The following CILK1 variants were observed in gnomAD, a reference collection of about 807,000 sequenced individuals.
The protein encoded by CILK1 is serine/threonine-protein kinase ICK.
A neutral mutation model predicts 79.2 loss-of-function variants in CILK1; 47 were observed. The ratio of observed to expected loss-of-function variants is 0.59; its 90% CI spans 0.47 to 0.76. The LOEUF (loss-of-function observed/expected upper bound fraction) is 0.76. Among genes scored for constraint, CILK1 ranks in the 30% least tolerant of loss-of-function variants. The pLI is 0.00. For synonymous variants in CILK1, 266 were observed against 275.9 expected (o/e 0.96, Z 0.36); for missense variants, 660 against 769.5 (o/e 0.86, Z 1.68).
intron 1 of CILK1, among the ~76,000 whole-genome samples, chr6:53,050,160 G>A (rs935660657): frequency 5.3e-5 from 8 of 152,054 alleles, no homozygotes; most frequent in African/African-American, 1.9e-4. Flanking sequence ...AAAGAAGCAG[G>A]CAAATATCAA....
chr6:53,031,356 C>T (rs557430960), intron 4 of CILK1, among the ~76,000 whole-genome samples: 42 of 152,318 alleles, frequency 2.8e-4, no homozygotes, highest in African/African-American at 9.9e-4. Context: ...AAAATCTCCT[C>T]TTTCCATGAT....
intron 5 of CILK1, among the ~76,000 whole-genome samples, chr6:53,030,576 G>T (rs949316271): frequency 5.9e-5 from 9 of 152,032 alleles, no homozygotes; most frequent in Non-Finnish European, 1.0e-4. Context: ...TCCACATCTT[G>T]TTTTGCCTTT....
intron 1 of CILK1, among the ~76,000 whole-genome samples, chr6:53,043,168 T>C (rs748325375): frequency 1.3e-5 from 2 of 151,666 alleles, no homozygotes; most frequent in Non-Finnish European, 2.9e-5. Context: ...ACACAAAAAT[T>C]AGCTGGGTGT....
At chr6:53,053,047 A>T (rs1657122036) in intron 1 of CILK1, among the ~76,000 whole-genome samples, 1 of 76,624 alleles carries the variant, frequency 1.3e-5, no homozygotes, top group African/African-American at 3.7e-5. Flanking sequence ...ACAAAGTAAA[A>T]GCCTGAAAAA....
At chr6:53,011,992 G>T (rs754254477) in intron 10 of CILK1, 45 bp downstream of exon 10, 6 of 1,613,578 alleles carry the variant, frequency 3.7e-6, no homozygotes, top group Non-Finnish European at 5.1e-6. Flanking sequence ...ATAATCTCAT[G>T]AATTCCAGAT....
chr6:53,005,355 A>G, intron 13 of CILK1, 52 bp from the exon 14 acceptor site: 1 of 1,593,530 alleles, frequency 6.3e-7, no homozygotes, highest in African/African-American at 1.3e-5. Context: ...AATGTAAGCA[A>G]AGTACAAATA....
chr6:53,041,049 T>G (rs1208957797), intron 2 of CILK1, 87 bp downstream of exon 2: 7 of 897,186 alleles, frequency 7.8e-6, no homozygotes, highest in Non-Finnish European at 1.3e-5. Flanking sequence ...CTAGGCATCC[T>G]ACCCACTCCC....
At chr6:53,041,471 G>T in intron 1 of CILK1, 63 bp from the exon 2 acceptor site, 5 of 486,038 alleles carry the variant, frequency 1.0e-5, no homozygotes, top group South Asian at 1.0e-4. Context: ...ACGTGTTTTT[G>T]TAAGTCTAAA....
Position 53,004,974 on chromosome 6 carries a change from A to G in CILK1, c.*175T>C, listed in dbSNP as rs1432667840. On this transcript the variant is annotated 3_prime_UTR_variant, in exon 14 of 14. Coordinates refer to ENST00000676107, the MANE Select transcript of CILK1 (RefSeq NM_014920.5). ...AAAAAAGCCTACTGCATTCAAATCA[A>G]TATTTTAAAAAAAAACTTTAAAAAA... is the stretch of plus-strand genomic sequence containing the variant. 1.2e-5 allele frequency: 8 copies of G among 655,510 alleles called. No homozygotes were observed. Among genetic ancestry groups the G allele is most frequent in the Non-Finnish European group, 2.0e-5 (8 of 395,952 alleles). 40.6% of individuals were successfully genotyped at this position (655,510 alleles called of 1,614,324 possible).
chr6:53,052,248 C>A (rs368197121), intron 1 of CILK1, among the ~76,000 whole-genome samples: 1 of 152,142 alleles, frequency 6.6e-6, no homozygotes, highest in East Asian at 1.9e-4. Flanking sequence ...CATTTTATAG[C>A]GGCAAAGTAT....
In CILK1 at chr6:53,048,260, C is replaced by T. The variant is rs143784889; in HGVS notation, c.-172-6852G>A. 5.3e-5 allele frequency among the ~76,000 whole-genome samples: 8 copies of T among 152,170 alleles called. No homozygotes were observed. In the East Asian group the frequency reaches 5.8e-4, roughly 11 times the overall value. On this transcript the variant is annotated intron_variant, in intron 1 of 13. Transcript: ENST00000676107. ...ACAAGAAGGGTAGATGAAGAAACACCGGATGCTGGAAGCAAAGGAGACTTG... is the reference window on the plus strand; with the variant it reads ...ACAAGAAGGGTAGATGAAGAAACACTGGATGCTGGAAGCAAAGGAGACTTG...
In CILK1 at chr6:53,057,077, G is replaced by T. The variant is rs147801979; in HGVS notation, c.-173+4519C>A. On this transcript the variant is annotated intron_variant, in intron 1 of 13. Coordinates refer to ENST00000676107, the MANE Select transcript of CILK1 (RefSeq NM_014920.5). Reference sequence around the variant, plus strand: ...CTTTCAAAGCAAAGGCAATGTCCAAGAGGGCAAAACCATTAATAACTATCT... The same window carrying T: ...CTTTCAAAGCAAAGGCAATGTCCAATAGGGCAAAACCATTAATAACTATCT... Among the ~76,000 whole-genome samples the T allele has an allele frequency of 3.6e-3, 548 of 152,302 alleles. 6 individuals are homozygous for T. Among genetic ancestry groups the T allele is most frequent in the Non-Finnish European group, 6.2e-3 (419 of 68,024 alleles).
chr6:53,008,133 A>G (rs1764343194), intron 12 of CILK1, among the ~76,000 whole-genome samples: 1 of 151,650 alleles, frequency 6.6e-6, no homozygotes, highest in African/African-American at 2.4e-5. Context: ...GAAGGCATAC[A>G]TAAATTATGG....
At chr6:53,005,882 C>T (rs1034354976) in intron 13 of CILK1, among the ~76,000 whole-genome samples, 3 of 152,170 alleles carry the variant, frequency 2.0e-5, no homozygotes, top group Admixed American at 6.5e-5. Context: ...CACTCCCACA[C>T]TCTGGCCTCC....
intron 3 of CILK1, among the ~76,000 whole-genome samples, chr6:53,035,811 C>T (rs1171763086): frequency 6.6e-6 from 1 of 152,182 alleles, no homozygotes; most frequent in African/African-American, 2.4e-5. Flanking sequence ...TCAGCAGGCA[C>T]AAAAGAAGGA....
chr6:53,050,070 T>C (rs974582300), intron 1 of CILK1, among the ~76,000 whole-genome samples: 2 of 152,080 alleles, frequency 1.3e-5, no homozygotes, highest in Non-Finnish European at 2.9e-5. Flanking sequence ...TAATGACTAT[T>C]TTTAGTGTAT....
chr6:53,057,590 G>A lies in CILK1; in HGVS notation c.-173+4006C>T, dbSNP rs1768004974. 4.5e-5 allele frequency among the ~76,000 whole-genome samples: 3 copies of A among 66,042 alleles called. No homozygotes were observed. In the Admixed American group the frequency reaches 5.6e-4, roughly 12 times the overall value. The allele number at this position is 66,042 out of a possible 152,430, so 43.3% of individuals were successfully genotyped here. ...CATTATCTTTTATAGCAGCCATGATGAGCTTATTTAAAGATAAAATATAAC... is the reference window on the plus strand; with the variant it reads ...CATTATCTTTTATAGCAGCCATGATAAGCTTATTTAAAGATAAAATATAAC... On this transcript the variant is annotated intron_variant, in intron 1 of 13. Transcript: ENST00000676107.
chr6:53,023,863 G>T (rs572107521), intron 5 of CILK1, among the ~76,000 whole-genome samples: 1 of 152,314 alleles, frequency 6.6e-6, no homozygotes, highest in Non-Finnish European at 1.5e-5. Flanking sequence ...AGAAGTAGCT[G>T]GCATAGATGG....
In CILK1 at chr6:53,003,142, T is replaced by C. The variant is rs1764021615; in HGVS notation, c.*2007A>G. The C allele has an allele frequency of 1.3e-5, 2 of 152,658 alleles. No individual in the cohort carries two copies. The highest frequency in any genetic ancestry group is 4.8e-5 in the African/African-American group (2 of 41,454). The allele number at this position is 152,658 out of a possible 1,614,324, so 9.5% of individuals were successfully genotyped here. On this transcript the variant is annotated 3_prime_UTR_variant, in exon 14 of 14. Coordinates refer to ENST00000676107, the MANE Select transcript of CILK1 (RefSeq NM_014920.5). ...AATTCAGCTTCAAGTTGTGCTTGCA[T>C]ATATATTTTCTGAAGCTTTGCTGCC...
Sources: gnomAD v4.1 joint callset for allele counts (sites outside exome capture counted in the v4.1 genomes callset) on GRCh38, gnomAD v4.1.1 for gene constraint, MANE v1.5 for transcripts, NCBI Gene and HGNC (gene_info 2026-07-23, HGNC 2026-07-21) for gene names.